C2CD5: variants seen among roughly 807,000 people sequenced by gnomAD.
C2CD5 encodes C2 domain-containing protein 5.
A neutral mutation model predicts 130.3 loss-of-function variants in C2CD5; 109 were observed. That is an observed-to-expected ratio of 0.84 (90% confidence interval 0.72 to 0.98). The LOEUF is 0.98. Ranked by LOEUF, C2CD5 falls within the 50% of genes least tolerant of loss-of-function variation. C2CD5 has a pLI of 0.00. For synonymous variants in C2CD5, 454 were observed against 429.2 expected, an observed-to-expected ratio of 1.06 and a Z score of -0.71; for missense variants, 996 against 1,261.8, an observed-to-expected ratio of 0.79 and a Z score of 3.19.
intron 15 of C2CD5, 187 bp downstream of exon 15, chr12:22,478,126 T>C (rs578092700): frequency 3.5e-5 from 20 of 564,176 alleles, no homozygotes; most frequent in East Asian, 6.1e-5. Context: ...AATTTTTAAA[T>C]AGGATCGTTA....
rs549382898 is a variant in C2CD5 at position 22,512,379 on chromosome 12, G to A, written c.1038+915C>T. Among the ~76,000 whole-genome samples, 3 of 152,070 alleles carry A rather than the reference G, an allele frequency of 2.0e-5. No individual in the cohort carries two copies. In the South Asian group the frequency reaches 6.2e-4, roughly 32 times the overall value. Reference sequence around the variant, plus strand: ...ACATGTAAAAGAAAATTCTGTAAATGCTTATAGCTTCCAAATCAGACATAA... The same window carrying A: ...ACATGTAAAAGAAAATTCTGTAAATACTTATAGCTTCCAAATCAGACATAA... On this transcript the variant is annotated intron_variant, in intron 9 of 26. Transcript: ENST00000446597.
intron 9 of C2CD5, among the ~76,000 whole-genome samples, chr12:22,510,522 T>C (rs751776937): frequency 2.6e-5 from 4 of 152,240 alleles, no homozygotes; most frequent in African/African-American, 7.2e-5. Context: ...AAATAGTTTA[T>C]TCTTTAAATC....
At chr12:22,449,921 G>A (rs372537382) in intron 26 of C2CD5, 30 bp from the exon 27 acceptor site, 1 of 1,578,208 alleles carries the variant, frequency 6.3e-7, no homozygotes, top group Non-Finnish European at 8.7e-7. Flanking sequence ...GACAGGTTCA[G>A]TTATACTCAA....
chr12:22,529,528 T>G (rs1951022648), intron 3 of C2CD5, among the ~76,000 whole-genome samples: 1 of 152,148 alleles, frequency 6.6e-6, no homozygotes, highest in South Asian at 2.1e-4. Context: ...CATACATAGA[T>G]AGCTAACAAG....
chr12:22,472,881 T>C, intron 16 of C2CD5, 74 bp from the exon 17 acceptor site: 1 of 873,576 alleles, frequency 1.1e-6, no homozygotes, highest in Non-Finnish European at 1.9e-6. Context: ...GAACTATTAA[T>C]AGAGTCAAGA....
At chr12:22,523,297 G>A in intron 7 of C2CD5, 129 bp downstream of exon 7, 1 of 626,228 alleles carries the variant, frequency 1.6e-6, no homozygotes, top group Non-Finnish European at 2.7e-6. Flanking sequence ...AATTTTGACA[G>A]TCATCACCAA....
intron 2 of C2CD5, among the ~76,000 whole-genome samples, chr12:22,540,385 T>A (rs1952246524): frequency 6.6e-6 from 1 of 152,238 alleles, no homozygotes; most frequent in South Asian, 2.1e-4. Flanking sequence ...TTACTTACCT[T>A]ATTTATGAAC....
At position 22,519,010 on chromosome 12, in the gene C2CD5, G is replaced by C. The variant is rs117147105; in HGVS notation, c.801-873C>G. 1,930 of 968,810 alleles carry C rather than the reference G, an allele frequency of 2.0e-3. 41 individuals are homozygous for C. The East Asian group carries it at 0.042, about 21-fold the overall frequency. 60.0% of individuals were successfully genotyped at this position (968,810 alleles called of 1,614,324 possible). A position where few individuals can be genotyped will look rare whatever the true frequency, so the allele number is the denominator to read the frequency against. The stretch of plus-strand genomic sequence containing the variant: ...GGACTTCGAGTAAGAAAAGGATGAA[G>C]CAAAGATTTATGGTACCTGCCTACA... On this transcript the variant is annotated intron_variant, in intron 7 of 26. Transcript: ENST00000446597.
intron 10 of C2CD5, among the ~76,000 whole-genome samples, chr12:22,494,058 C>T (rs1946695754): frequency 6.6e-6 from 1 of 151,882 alleles, no homozygotes; most frequent in Non-Finnish European, 1.5e-5. Context: ...CAGAGAAGTC[C>T]AATATTGCTT....
Position 22,449,647 on chromosome 12 carries a change from CA to C in C2CD5, c.*112del. On this transcript the variant is annotated 3_prime_UTR_variant, in exon 27 of 27. Transcript: ENST00000446597. ...AGACTCCAGGCAAATCAAATCTACT[CA>C]ATTCTTCCTTATTTATCTCAAGTTC... The C allele has an allele frequency of 1.0e-6, 1 of 962,200 alleles. No individual in the cohort carries two copies. The highest frequency in any genetic ancestry group is 1.6e-5 in the African/African-American group (1 of 61,494). 59.6% of individuals were successfully genotyped at this position (962,200 alleles called of 1,614,324 possible).
intron 22 of C2CD5, among the ~76,000 whole-genome samples, chr12:22,468,380 A>G (rs181084335): frequency 7.3e-4 from 111 of 152,146 alleles, no homozygotes; most frequent in Non-Finnish European, 1.2e-3. Context: ...CACCACATGC[A>G]GCTCATTATT....
Position 22,544,058 on chromosome 12 carries a change from A to T in C2CD5, c.90+3T>A, listed in dbSNP as rs752248308. On this transcript the variant is annotated splice_donor_region_variant and intron_variant, in intron 2 of 26. Coordinates refer to ENST00000446597, the MANE Select transcript of C2CD5 (RefSeq NM_001286176.2). Reference sequence around the variant, plus strand: ...GTTTTGAGGGGCAGGACCCTGCACCAACCTCCACGAAGGCATCAGTCAGGT... The same window carrying T: ...GTTTTGAGGGGCAGGACCCTGCACCTACCTCCACGAAGGCATCAGTCAGGT... The T allele has an allele frequency of 6.2e-7, 1 of 1,610,388 alleles. No individual in the cohort carries two copies. The highest frequency in any genetic ancestry group is 8.5e-7 in the Non-Finnish European group (1 of 1,176,846).
At chr12:22,482,460 T>C in intron 14 of C2CD5, 97 bp downstream of exon 14, 2 of 1,031,962 alleles carry the variant, frequency 1.9e-6, no homozygotes, top group Non-Finnish European at 2.9e-6. Context: ...GTCAAAGTCT[T>C]TAGATAAGCC....
intron 10 of C2CD5, among the ~76,000 whole-genome samples, chr12:22,505,209 T>C (rs1271573562): frequency 6.6e-6 from 1 of 151,854 alleles, no homozygotes; most frequent in Non-Finnish European, 1.5e-5. Flanking sequence ...TTATCTACAA[T>C]ATTTTGGTCC....
At chr12:22,494,123 A>T (rs1019123345) in intron 10 of C2CD5, among the ~76,000 whole-genome samples, 40 of 152,046 alleles carry the variant, frequency 2.6e-4, no homozygotes, top group South Asian at 2.1e-4. Context: ...AATCACTTGC[A>T]TTTAGCTGCA....
intron 7 of C2CD5, chr12:22,519,182 A>C: frequency 6.5e-7 from 1 of 1,535,794 alleles, no homozygotes; most frequent in Non-Finnish European, 8.7e-7. Flanking sequence ...TAGCAGTGTG[A>C]ATTGGGCTGT....
chr12:22,466,360 C>T (rs1475515185), intron 22 of C2CD5, among the ~76,000 whole-genome samples: 1 of 150,948 alleles, frequency 6.6e-6, no homozygotes, highest in Non-Finnish European at 1.5e-5. Context: ...AAAAACTATA[C>T]TTTTATTTAT....
chr12:22,518,160 T>A (rs1246290795), intron 7 of C2CD5, 23 bp from the exon 8 acceptor site: 1 of 1,611,572 alleles, frequency 6.2e-7, no homozygotes, highest in Non-Finnish European at 8.5e-7. Context: ...GGTGGAGAAA[T>A]ATTAAGTAAT....
intron 9 of C2CD5, among the ~76,000 whole-genome samples, chr12:22,511,192 C>T (rs987935486): frequency 6.9e-6 from 1 of 144,740 alleles, no homozygotes; most frequent in African/African-American, 2.5e-5. Context: ...AAAAAAAAGG[C>T]CATATAATTT....
Sources: gnomAD v4.1 joint callset for allele counts (sites outside exome capture counted in the v4.1 genomes callset) on GRCh38, gnomAD v4.1.1 for gene constraint, MANE v1.5 for transcripts, NCBI Gene and HGNC (gene_info 2026-07-23, HGNC 2026-07-21) for gene names.